The following CLCN3 variants were observed in gnomAD, a reference collection of about 807,000 sequenced individuals.
The protein encoded by CLCN3 is H(+)/Cl(-) exchange transporter 3.
CLCN3 carries 16 observed loss-of-function variants against 83.4 expected under a neutral mutation model. That is an observed-to-expected ratio of 0.19 (90% CI 0.13 to 0.29). The LOEUF is 0.29. CLCN3 is among the 10% of genes least tolerant of loss of function. The pLI is 1.00. For missense variants in CLCN3, 544 were observed against 1,006.0 expected (o/e 0.54, Z 6.21); for synonymous variants, 322 against 346.2 (o/e 0.93, Z 0.78).
chr4:169,703,943 T>G, intron 9 of CLCN3, 55 bp from the exon 10 acceptor site: 1 of 1,514,008 alleles, frequency 6.6e-7, no homozygotes, highest in Non-Finnish European at 9.1e-7. Context: ...AATGTAAGTT[T>G]CAGGCATGTG....
chr4:169,625,842 C>A (rs193191549), intron 1 of CLCN3, among the ~76,000 whole-genome samples: 53 of 152,234 alleles, frequency 3.5e-4, no homozygotes, highest in African/African-American at 1.1e-3. Context: ...TTTTTTAATT[C>A]TCTCACTCAA....
In CLCN3 at chr4:169,627,367, G is replaced by A. The variant is rs549590023; in HGVS notation, c.-17+6304G>A. The stretch of plus-strand genomic sequence containing the variant: ...AATATTCCCTCTATTAAGTGCTTAC[G>A]GACTGTGTGCCAGCCAGCTTGCTTA... On this transcript the variant is annotated intron_variant, in intron 1 of 12. Coordinates refer to ENST00000513761, the MANE Select transcript of CLCN3 (RefSeq NM_001829.4). Among the ~76,000 whole-genome samples, 11 of 152,016 alleles carry A rather than the reference G, an allele frequency of 7.2e-5. No individual in the cohort carries two copies. In the East Asian group the frequency reaches 1.7e-3, roughly 24 times the overall value.
intron 3 of CLCN3, 119 bp downstream of exon 3, chr4:169,680,326 A>G: frequency 1.4e-6 from 1 of 703,892 alleles, no homozygotes. Context: ...GTAAATGTCT[A>G]CATTTCATAT....
At chr4:169,660,111 CCTGATTAAGAAGG>C in intron 2 of CLCN3, 1 of 1,071,566 alleles carries the variant, frequency 9.3e-7, no homozygotes, top group Non-Finnish European at 1.1e-6. Context: ...CGTAGCAGGA[CCTGATTAAGAAGG>C]CTGTGCCGCC....
chr4:169,655,525 T>G (rs945678351), intron 2 of CLCN3, among the ~76,000 whole-genome samples: 1 of 152,212 alleles, frequency 6.6e-6, no homozygotes. Context: ...GATGGGGTCT[T>G]GCTCTATTGC....
intron 11 of CLCN3, 97 bp downstream of exon 11, chr4:169,707,363 G>A (rs1413453061): frequency 2.3e-5 from 20 of 884,274 alleles, no homozygotes; most frequent in Middle Eastern, 3.6e-4. Context: ...GATTTGTGGG[G>A]GCAAGGGACA....
intron 2 of CLCN3, among the ~76,000 whole-genome samples, chr4:169,658,912 A>G (rs1457796005): frequency 1.3e-5 from 2 of 152,106 alleles, no homozygotes; most frequent in Non-Finnish European, 2.9e-5. Context: ...GATTTAACCT[A>G]TACAGTTTTT....
chr4:169,660,103 T>C, intron 2 of CLCN3: 1 of 1,061,670 alleles, frequency 9.4e-7, no homozygotes, highest in Non-Finnish European at 1.1e-6. Context: ...TTGTCATACG[T>C]AGCAGGACCT....
intron 1 of CLCN3, among the ~76,000 whole-genome samples, chr4:169,624,455 G>A (rs1773181715): frequency 1.3e-5 from 2 of 152,036 alleles, no homozygotes; most frequent in Non-Finnish European, 2.9e-5. Context: ...TTTTAGTAGG[G>A]ACAGGGTTTC....
At chr4:169,636,633 T>C (rs1348397256) in intron 2 of CLCN3, among the ~76,000 whole-genome samples, 1 of 152,192 alleles carries the variant, frequency 6.6e-6, no homozygotes, top group Non-Finnish European at 1.5e-5. Context: ...TATATTGTCG[T>C]GTATAGCAAT....
chr4:169,631,443 C>T (rs542160156), intron 1 of CLCN3, among the ~76,000 whole-genome samples: 186 of 152,140 alleles, frequency 1.2e-3, no homozygotes, highest in African/African-American at 3.8e-3. Context: ...CCCACCACCA[C>T]GCCCGGCTAA....
chr4:169,704,181 T>A lies in CLCN3; in HGVS notation c.1747T>A (p.Leu583Ile). Residue 583 changes from leucine to isoleucine, a missense_variant, in exon 10 of 13, where the codon TTA (leucine) becomes ATA (isoleucine). Transcript: ENST00000513761. Reference sequence around the variant, plus strand: ...TGCCATGGTTGGTGCTGCTGCATGCTTAGGTAATATGGCTGTGTCTGCCTG... The same window carrying A: ...TGCCATGGTTGGTGCTGCTGCATGCATAGGTAATATGGCTGTGTCTGCCTG... ...LYAMVGAAAC[L>I]GGVTRMTVSL... 6.2e-7 allele frequency: 1 copy of A among 1,610,772 alleles called. No individual in the cohort carries two copies.
intron 12 of CLCN3, among the ~76,000 whole-genome samples, chr4:169,718,641 TAA>T (rs1241854922): frequency 4.6e-5 from 7 of 152,192 alleles, no homozygotes; most frequent in Admixed American, 2.6e-4. Context: ...CTGCATAACA[TAA>T]AAAATGTCTG....
intron 10 of CLCN3, among the ~76,000 whole-genome samples, chr4:169,706,260 C>G (rs1732991183): frequency 1.3e-5 from 2 of 152,056 alleles, no homozygotes; most frequent in Admixed American, 6.6e-5. Flanking sequence ...GTCTCAAACT[C>G]CTTGACTTAA....
intron 2 of CLCN3, among the ~76,000 whole-genome samples, chr4:169,664,967 A>G (rs1731192306): frequency 1.3e-5 from 2 of 152,168 alleles, no homozygotes; most frequent in African/African-American, 4.8e-5. Context: ...TTTTAAGTTA[A>G]CATATGTTTA....
intron 1 of CLCN3, among the ~76,000 whole-genome samples, chr4:169,633,694 A>C (rs1167569702): frequency 3.3e-5 from 5 of 152,262 alleles, no homozygotes; most frequent in African/African-American, 1.2e-4. Flanking sequence ...GTAAAAAGAA[A>C]GTGGTGAGAT....
chr4:169,715,028 G>C, intron 12 of CLCN3, among the ~76,000 whole-genome samples: 1 of 152,104 alleles, frequency 6.6e-6, no homozygotes, highest in East Asian at 1.9e-4. Context: ...AACCTAAGCT[G>C]AGTTGTTACA....
intron 1 of CLCN3, among the ~76,000 whole-genome samples, chr4:169,627,710 T>C (rs1773269126): frequency 6.6e-6 from 1 of 152,218 alleles, no homozygotes; most frequent in Admixed American, 6.5e-5. Context: ...CTTGTTGAGT[T>C]TTAGCTCTTT....
chr4:169,632,710 C>A (rs1442553795), intron 1 of CLCN3, among the ~76,000 whole-genome samples: 1 of 110,292 alleles, frequency 9.1e-6, no homozygotes, highest in African/African-American at 3.4e-5. Flanking sequence ...GAGCGAGACT[C>A]CATCTCAAAA....
Sources: allele counts gnomAD v4.1 joint callset (sites outside exome capture counted in the v4.1 genomes callset), GRCh38; gene constraint gnomAD v4.1.1; transcripts MANE v1.5; gene names NCBI Gene and HGNC (gene_info 2026-07-23, HGNC 2026-07-21).